FANCC: variants seen among roughly 807,000 people sequenced by gnomAD.
FANCC encodes Fanconi anemia group C protein.
Under a neutral mutation model 71.3 loss-of-function variants are expected in FANCC, and 55 were observed. That is an observed-to-expected ratio of 0.77 (90% confidence interval 0.62 to 0.97). The LOEUF is 0.97. FANCC is among the 50% of genes least tolerant of loss of function. FANCC has a pLI of 0.00. For missense variants in FANCC, 678 were observed against 670.9 expected, an observed-to-expected ratio of 1.01 and a Z score of -0.12; for synonymous variants, 275 against 244.9, an observed-to-expected ratio of 1.12 and a Z score of -1.15.
chr9:95,133,745 C>T (rs4647510), intron 8 of FANCC, among the ~76,000 whole-genome samples: 3,952 of 152,292 alleles, frequency 0.026, 152 homozygotes, highest in African/African-American at 0.08. Context: ...CAGTTACTAT[C>T]ATTTTGCCAC....
Position 95,137,508 on chromosome 9 carries a change from C to A in FANCC, c.687-2006G>T, listed in dbSNP as rs546907369. Among the ~76,000 whole-genome samples, 175 of 152,236 alleles carry A rather than the reference C, an allele frequency of 1.1e-3. 1 individual carries two copies. The highest frequency in any genetic ancestry group is 4.0e-3 in the African/African-American group (166 of 41,528). The stretch of plus-strand genomic sequence containing the variant: ...TCCCCACCTCCCACACCTGGCAAAG[C>A]CCTGCCATGGTGCCACACCCCCTCA... On this transcript the variant is annotated intron_variant, in intron 7 of 14. Coordinates refer to ENST00000289081, the MANE Select transcript of FANCC (RefSeq NM_000136.3).
chr9:95,227,013 T>A (rs1829662642), intron 4 of FANCC, among the ~76,000 whole-genome samples: 1 of 152,058 alleles, frequency 6.6e-6, no homozygotes, highest in African/African-American at 2.4e-5. Flanking sequence ...GCAGCTAAAC[T>A]TTTTCCTCTG....
rs534338775 is a variant in FANCC, at chr9:95,244,263, C to T, written c.250+3169G>A. The stretch of plus-strand genomic sequence containing the variant: ...CCTTCCTCTCAGCAACTGCTACTCC[C>T]ATTCAGAGAACCATCACATTGAGTC... On this transcript the variant is annotated intron_variant, in intron 3 of 14. Transcript: ENST00000289081. Among the ~76,000 whole-genome samples the T allele has an allele frequency of 2.6e-5, 4 of 152,352 alleles. No individual in the cohort carries two copies. The South Asian group carries it at 8.3e-4, about 32-fold the overall frequency.
At chr9:95,111,219 G>A (rs2134535452) in intron 13 of FANCC, 1 of 1,536,546 alleles carries the variant, frequency 6.5e-7, no homozygotes, top group Non-Finnish European at 8.7e-7. Flanking sequence ...GGGAAGAAGG[G>A]TCTTCGTTTT....
intron 4 of FANCC, among the ~76,000 whole-genome samples, chr9:95,194,830 T>C (rs956116637): frequency 1.3e-5 from 2 of 152,068 alleles, no homozygotes; most frequent in African/African-American, 4.8e-5. Flanking sequence ...GAACACAAGG[T>C]TTTAGTTTTG....
intron 1 of FANCC, among the ~76,000 whole-genome samples, chr9:95,260,540 G>C (rs188446892): frequency 6.6e-6 from 1 of 152,104 alleles, no homozygotes. Flanking sequence ...GGCCTGTCAG[G>C]GGGTTGGGGG....
chr9:95,174,742 T>C (rs1825905392), intron 4 of FANCC, among the ~76,000 whole-genome samples: 2 of 152,212 alleles, frequency 1.3e-5, no homozygotes, highest in Non-Finnish European at 1.5e-5. Context: ...AATGTATGTA[T>C]GTAACTTCAT....
intron 4 of FANCC, among the ~76,000 whole-genome samples, chr9:95,213,417 C>T (rs1828631255): frequency 1.3e-5 from 2 of 152,016 alleles, no homozygotes; most frequent in Non-Finnish European, 2.9e-5. Context: ...TAAAAAGCTA[C>T]AGTAATAAAA....
chr9:95,302,269 T>C (rs983847663), intron 1 of FANCC, among the ~76,000 whole-genome samples: 1 of 152,148 alleles, frequency 6.6e-6, no homozygotes, highest in Non-Finnish European at 1.5e-5. Context: ...CCTAGTTGCA[T>C]TCTGGTAGAA....
intron 1 of FANCC, among the ~76,000 whole-genome samples, chr9:95,305,939 T>C (rs185626959): frequency 1.3e-4 from 20 of 152,296 alleles, no homozygotes; most frequent in Admixed American, 5.2e-4. Context: ...TTCAGTAAAT[T>C]TGAAATTGTT....
In FANCC at chr9:95,125,078, T is replaced by C. The variant is rs1825768824; in HGVS notation, c.996+8A>G. ...GGATGAATGAGTAATATATGTGATA[T>C]AACAAACCTGCTTGCTTGCTTTCTC... On this transcript the variant is annotated splice_region_variant and intron_variant, in intron 10 of 14. Transcript: ENST00000289081. 1.2e-6 allele frequency: 2 copies of C among 1,612,186 alleles called. No individual in the cohort carries two copies. The highest frequency in any genetic ancestry group is 1.7e-5 in the Admixed American group (1 of 60,012).
intron 1 of FANCC, among the ~76,000 whole-genome samples, chr9:95,306,225 A>T (rs1369992017): frequency 6.6e-6 from 1 of 152,234 alleles, no homozygotes; most frequent in African/African-American, 2.4e-5. Flanking sequence ...ACTTCCATTC[A>T]TATACAAACA....
chr9:95,272,032 GT>G (rs1832766098), intron 1 of FANCC, among the ~76,000 whole-genome samples: 1 of 142,160 alleles, frequency 7.0e-6, no homozygotes, highest in Non-Finnish European at 1.5e-5. Flanking sequence ...AACCTCCCGG[GT>G]TCACGCCATT....
At chr9:95,301,104 C>G (rs1024804894) in intron 1 of FANCC, among the ~76,000 whole-genome samples, 15 of 150,176 alleles carry the variant, frequency 1.0e-4, no homozygotes, top group Non-Finnish European at 1.8e-4. Flanking sequence ...TAAGACCACA[C>G]AAAGAAAAAA....
At chr9:95,168,338 A>G (rs775224410) in intron 6 of FANCC, among the ~76,000 whole-genome samples, 99 of 152,312 alleles carry the variant, frequency 6.5e-4, no homozygotes, top group Non-Finnish European at 2.5e-4. Flanking sequence ...GCCAGCCTCC[A>G]TCGGCAGCAC....
At chr9:95,192,038 G>A (rs900687147) in intron 4 of FANCC, among the ~76,000 whole-genome samples, 1 of 152,166 alleles carries the variant, frequency 6.6e-6, no homozygotes, top group African/African-American at 2.4e-5. Context: ...TAAGAAATGT[G>A]AGTTGTTCTG....
At chr9:95,229,977 G>A (rs913726622) in intron 4 of FANCC, among the ~76,000 whole-genome samples, 2 of 152,008 alleles carry the variant, frequency 1.3e-5, no homozygotes, top group African/African-American at 4.8e-5. Context: ...CCTGCTATGA[G>A]TTACAACACA....
At chr9:95,111,059 G>A (rs1324844073) in intron 13 of FANCC, 2 of 1,481,102 alleles carry the variant, frequency 1.4e-6, no homozygotes, top group East Asian at 2.5e-5. Flanking sequence ...CCCTGGCCGG[G>A]CTGCTGGGGA....
intron 4 of FANCC, among the ~76,000 whole-genome samples, chr9:95,218,175 T>C (rs549026191): frequency 3.3e-5 from 5 of 152,168 alleles, no homozygotes; most frequent in African/African-American, 1.2e-4. Flanking sequence ...GGAAGAAAAA[T>C]AAGGGCAGGC....
Sources: allele counts gnomAD v4.1 joint callset (sites outside exome capture counted in the v4.1 genomes callset), GRCh38; gene constraint gnomAD v4.1.1; transcripts MANE v1.5; gene names NCBI Gene and HGNC (gene_info 2026-07-23, HGNC 2026-07-21).